Variants in SEMA5A observed in about 807,000 individuals in gnomAD.
SEMA5A encodes the protein semaphorin-5A.
SEMA5A carries 55 observed loss-of-function variants against 135.5 expected under a neutral mutation model. That is an observed-to-expected ratio of 0.41 (90% CI 0.33 to 0.51). The LOEUF is 0.51. Among genes scored for constraint, SEMA5A ranks in the 20% least tolerant of loss-of-function variants. SEMA5A has a pLI of 0.37. For synonymous variants in SEMA5A, 580 were observed against 546.5 expected (o/e 1.06, Z -0.85); for missense variants, 1,290 against 1,419.9 (o/e 0.91, Z 1.47).
chr5:9,346,914 G>GTGTGTA (rs869195474), intron 3 of SEMA5A, among the ~76,000 whole-genome samples: 1 of 99,170 alleles, frequency 1.0e-5, no homozygotes, highest in African/African-American at 3.9e-5. Flanking sequence ...GTGTGTGTGT[G>GTGTGTA]TATATATATA....
chr5:9,345,897 A>G (rs35602436), intron 3 of SEMA5A, among the ~76,000 whole-genome samples: 23,566 of 152,218 alleles, frequency 0.15, 2,046 homozygotes, highest in Middle Eastern at 0.25. Context: ...ATTTCTATAT[A>G]TCTGTATACA....
In SEMA5A at chr5:9,212,341, C is replaced by T. The variant is rs780418849; in HGVS notation, c.647-10101G>A. On this transcript the variant is annotated intron_variant, in intron 8 of 22. Transcript: ENST00000382496. ...ACAGTAATCATTTCAAAGTTATTAA[C>T]GATTAATATTTTAATGCATTAAAGC... Among the ~76,000 whole-genome samples, 114 of 152,234 alleles carry T rather than the reference C, an allele frequency of 7.5e-4. 1 individual carries two copies. Among genetic ancestry groups the T allele is most frequent in the Admixed American group, 1.6e-3 (25 of 15,280 alleles).
chr5:9,323,417 C>A (rs1752716072), intron 4 of SEMA5A, among the ~76,000 whole-genome samples: 1 of 151,898 alleles, frequency 6.6e-6, no homozygotes, highest in Admixed American at 6.6e-5. Flanking sequence ...TACAATAATT[C>A]TTTAATAGTA....
At chr5:9,298,081 G>T (rs1751430397) in intron 5 of SEMA5A, among the ~76,000 whole-genome samples, 1 of 152,140 alleles carries the variant, frequency 6.6e-6, no homozygotes, top group African/African-American at 2.4e-5. Context: ...ATACGGTGAA[G>T]TCCTAACCCC....
At chr5:9,101,285 C>T (rs913871465) in intron 16 of SEMA5A, among the ~76,000 whole-genome samples, 4 of 152,180 alleles carry the variant, frequency 2.6e-5, no homozygotes, top group African/African-American at 9.7e-5. Context: ...GTGGGGGAAA[C>T]AAGCAGGCCA....
intron 1 of SEMA5A, among the ~76,000 whole-genome samples, chr5:9,497,267 C>T (rs1735350162): frequency 6.6e-6 from 1 of 152,190 alleles, no homozygotes; most frequent in African/African-American, 2.4e-5. Context: ...TCAGGAAAAG[C>T]ATCACCATTG....
intron 1 of SEMA5A, among the ~76,000 whole-genome samples, chr5:9,486,421 T>A (rs532066189): frequency 6.6e-6 from 1 of 152,192 alleles, no homozygotes; most frequent in African/African-American, 2.4e-5. Context: ...TGCACATGCA[T>A]CCTGGAACCT....
chr5:9,184,573 C>CAT (rs1260969652), intron 11 of SEMA5A, among the ~76,000 whole-genome samples: 2 of 152,186 alleles, frequency 1.3e-5, no homozygotes, highest in Non-Finnish European at 2.9e-5. Flanking sequence ...TCACTGCAAA[C>CAT]ATTTACTCTG....
At position 9,432,410 on chromosome 5, in the gene SEMA5A, C is replaced by T. The variant is rs746765622; in HGVS notation, c.-78+5346G>A. On this transcript the variant is annotated intron_variant, in intron 2 of 22. Coordinates refer to ENST00000382496, the MANE Select transcript of SEMA5A (RefSeq NM_003966.3). ...CACAAAATAAAATTCCTTTCAGGAA[C>T]GTGGCACCGAAAGAAACACCGTCAG... Among the ~76,000 whole-genome samples, 82 of 152,296 alleles carry T rather than the reference C, an allele frequency of 5.4e-4. 1 individual carries two copies. The highest frequency in any genetic ancestry group is 6.5e-4 in the Non-Finnish European group (44 of 68,034).
intron 3 of SEMA5A, among the ~76,000 whole-genome samples, chr5:9,374,137 G>A (rs374290161): frequency 3.9e-4 from 59 of 152,270 alleles, no homozygotes; most frequent in African/African-American, 1.4e-3. Flanking sequence ...CACAATCAGG[G>A]CTAAATATTC....
intron 19 of SEMA5A, among the ~76,000 whole-genome samples, chr5:9,053,468 C>T (rs1736708452): frequency 6.6e-6 from 1 of 152,156 alleles, no homozygotes; most frequent in Non-Finnish European, 1.5e-5. Flanking sequence ...AATTGCACTA[C>T]CTCTAAATTA....
At chr5:9,516,228 CCA>C (rs1266109005) in intron 1 of SEMA5A, among the ~76,000 whole-genome samples, 2 of 152,010 alleles carry the variant, frequency 1.3e-5, no homozygotes. Flanking sequence ...CACGTATACA[CCA>C]CACACAGACA....
chr5:9,522,262 C>G (rs1008042109), intron 1 of SEMA5A, among the ~76,000 whole-genome samples: 12 of 152,076 alleles, frequency 7.9e-5, no homozygotes, highest in African/African-American at 2.7e-4. Context: ...GAAAATGAGG[C>G]AGAGACAAAG....
intron 11 of SEMA5A, among the ~76,000 whole-genome samples, chr5:9,181,433 A>G (rs1744502377): frequency 6.6e-6 from 1 of 152,104 alleles, no homozygotes; most frequent in African/African-American, 2.4e-5. Context: ...CTGCCCTTAG[A>G]AACTATTCTG....
chr5:9,062,807 T>C (rs1737254650), intron 18 of SEMA5A, 80 bp downstream of exon 18: 1 of 1,417,040 alleles, frequency 7.1e-7, no homozygotes, highest in Non-Finnish European at 9.9e-7. Flanking sequence ...GCCAGGGAGC[T>C]GCGTGAGGCC....
chr5:9,083,133 T>C (rs1352331446), intron 16 of SEMA5A, among the ~76,000 whole-genome samples: 1 of 152,224 alleles, frequency 6.6e-6, no homozygotes. Flanking sequence ...TGCACAGCTA[T>C]GGTCAACGTC....
At chr5:9,413,527 T>C (rs1480235989) in intron 2 of SEMA5A, among the ~76,000 whole-genome samples, 2 of 152,132 alleles carry the variant, frequency 1.3e-5, no homozygotes. Context: ...CAGCAAGACT[T>C]CATAACGAAA....
chr5:9,514,126 T>C (rs1348217051), intron 1 of SEMA5A, among the ~76,000 whole-genome samples: 1 of 152,140 alleles, frequency 6.6e-6, no homozygotes, highest in Non-Finnish European at 1.5e-5. Context: ...TTCCCTTCCA[T>C]CTACAAGGGA....
chr5:9,353,627 G>A (rs17788768), intron 3 of SEMA5A, among the ~76,000 whole-genome samples: 23,668 of 152,018 alleles, frequency 0.16, 2,066 homozygotes, highest in Middle Eastern at 0.25. Context: ...ATAAGGAGGA[G>A]CACTTCCACA....
Sources: gnomAD v4.1 joint callset for allele counts (sites outside exome capture counted in the v4.1 genomes callset) on GRCh38, gnomAD v4.1.1 for gene constraint, MANE v1.5 for transcripts, NCBI Gene and HGNC (gene_info 2026-07-23, HGNC 2026-07-21) for gene names.